CFAP58: variants seen among roughly 807,000 people sequenced by gnomAD.
CFAP58 encodes the protein cilia and flagella associated protein 58, also known as cilia- and flagella-associated protein 58.
CFAP58 carries 88 observed loss-of-function variants against 119.5 expected under a neutral mutation model. That is an observed-to-expected ratio of 0.74 (90% CI 0.62 to 0.88). The LOEUF is 0.88. Among genes scored for constraint, CFAP58 ranks in the 40% least tolerant of loss-of-function variants. The probability of loss-of-function intolerance (pLI) is 0.00; values close to 1 mark genes in which losing one functional copy is unlikely to be tolerated. For missense variants in CFAP58, 990 were observed against 1,021.2 expected, an observed-to-expected ratio of 0.97 and a Z score of 0.42; for synonymous variants, 365 against 366.3, an observed-to-expected ratio of 1.00 and a Z score of 0.04.
At chr10:104,356,980 A>G (rs1189891398) in intron 1 of CFAP58, among the ~76,000 whole-genome samples, 2 of 152,208 alleles carry the variant, frequency 1.3e-5, no homozygotes, top group East Asian at 3.8e-4. Flanking sequence ...AGCTAACAAG[A>G]AGTAGGTGGA....
At chr10:104,430,752 T>C (rs1485404667) in intron 15 of CFAP58, among the ~76,000 whole-genome samples, 1 of 152,202 alleles carries the variant, frequency 6.6e-6, no homozygotes, top group East Asian at 1.9e-4. Context: ...ATGTGAGCCA[T>C]GTGTGTGATT....
At chr10:104,393,618 C>T in intron 11 of CFAP58, 143 bp downstream of exon 11, 1 of 698,488 alleles carries the variant, frequency 1.4e-6, no homozygotes, top group South Asian at 2.0e-5. Flanking sequence ...AAACCAAGCA[C>T]ACAAGGCACC....
intron 15 of CFAP58, among the ~76,000 whole-genome samples, chr10:104,442,385 C>T (rs542390691): frequency 7.4e-4 from 113 of 152,042 alleles, no homozygotes; most frequent in African/African-American, 2.0e-3. Flanking sequence ...GTCAGGAGTT[C>T]GAGACCAGCC....
chr10:104,444,690 G>C (rs1409488048), intron 15 of CFAP58, among the ~76,000 whole-genome samples: 4 of 152,214 alleles, frequency 2.6e-5, no homozygotes, highest in African/African-American at 9.6e-5. Context: ...TGCTTTATCA[G>C]ACAGGTTTTC....
intron 8 of CFAP58, among the ~76,000 whole-genome samples, chr10:104,378,114 A>G (rs1006867576): frequency 1.3e-5 from 2 of 152,074 alleles, no homozygotes; most frequent in Admixed American, 6.6e-5. Flanking sequence ...ATACTTTTGT[A>G]TTTTTTATTT....
Position 104,418,169 on chromosome 10 carries a change from G to C in CFAP58, c.2256+11376G>C, listed in dbSNP as rs555880224. ...GCTACAGCAGCACAGTTGAATTGTT[G>C]TGAAGGTACTGAATAGCTCACAAAG... is the stretch of plus-strand genomic sequence containing the variant. On this transcript the variant is annotated intron_variant, in intron 15 of 17. Coordinates refer to ENST00000369704, the MANE Select transcript of CFAP58 (RefSeq NM_001008723.2). Among the ~76,000 whole-genome samples, 4 of 152,316 alleles carry C rather than the reference G, an allele frequency of 2.6e-5. No homozygotes were observed. In the East Asian group the frequency reaches 7.7e-4, roughly 29 times the overall value.
chr10:104,405,407 T>G (rs2012342311), intron 14 of CFAP58, among the ~76,000 whole-genome samples: 1 of 152,232 alleles, frequency 6.6e-6, no homozygotes, highest in South Asian at 2.1e-4. Flanking sequence ...ATTCCATGTG[T>G]TTTCATGCAG....
the CFAP58 span, among the ~76,000 whole-genome samples, chr10:104,346,927 C>T: frequency 1.3e-5 from 2 of 151,844 alleles, no homozygotes; most frequent in East Asian, 1.9e-4. Flanking sequence ...TGAGCCATCG[C>T]GCTTGACCCA....
At chr10:104,344,684 T>C in the CFAP58 span, among the ~76,000 whole-genome samples, 60 of 152,132 alleles carry the variant, frequency 3.9e-4, no homozygotes, top group African/African-American at 1.4e-3. Flanking sequence ...TGGTCTCTGC[T>C]GTCCTAGAGG....
chr10:104,440,348 TA>T (rs11346105), intron 15 of CFAP58, among the ~76,000 whole-genome samples: 76,360 of 151,952 alleles, frequency 0.5, 20,001 homozygotes, highest in African/African-American at 0.66. Context: ...AGTTGAATTT[TA>T]AAAAAACCAC....
chr10:104,382,495 C>G (rs1264927956), intron 9 of CFAP58: 2 of 334,174 alleles, frequency 6.0e-6, no homozygotes, highest in Non-Finnish European at 1.1e-5. Context: ...AAACCTCTGT[C>G]ACCTCTCCCT....
At chr10:104,371,853 T>A (rs1338484088) in intron 7 of CFAP58, among the ~76,000 whole-genome samples, 2 of 152,178 alleles carry the variant, frequency 1.3e-5, no homozygotes, top group Non-Finnish European at 2.9e-5. Flanking sequence ...AGAACCTGGG[T>A]ATGAATTCTG....
chr10:104,426,021 C>G (rs1564900940), intron 15 of CFAP58, among the ~76,000 whole-genome samples: 1 of 152,082 alleles, frequency 6.6e-6, no homozygotes, highest in South Asian at 2.1e-4. Flanking sequence ...TGCTTGAGCT[C>G]AGGAGTTTGA....
At chr10:104,399,802 T>C (rs1042785861) in intron 12 of CFAP58, among the ~76,000 whole-genome samples, 3 of 152,098 alleles carry the variant, frequency 2.0e-5, no homozygotes, top group Admixed American at 6.6e-5. Context: ...ATAATTGCAA[T>C]TAATAATTAC....
intron 8 of CFAP58, 81 bp from the exon 9 acceptor site, chr10:104,379,948 A>T: frequency 1.8e-6 from 2 of 1,087,744 alleles, no homozygotes; most frequent in South Asian, 3.1e-5. Context: ...TAATTATGTT[A>T]GAGATGAGGC....
Position 104,392,331 on chromosome 10 carries a change from G to T in CFAP58, c.1464G>T (p.Gln488His). Reference sequence around the variant, plus strand: ...CAGAGATTAAATTAAAACAGCAACAGAACCTATATGAAGCTGTGAGATCAG... The same window carrying T: ...CAGAGATTAAATTAAAACAGCAACATAACCTATATGAAGCTGTGAGATCAG... ...AESEIKLKQQ[Q>H]NLYEAVRSDR... is the part of the protein sequence containing the mutation. Residue 488 changes from glutamine to histidine, a missense_variant, in exon 10 of 18, where the codon CAG becomes CAT. Transcript: ENST00000369704. 6 of 1,612,276 alleles carry T rather than the reference G, an allele frequency of 3.7e-6. No homozygotes were observed. The highest frequency in any genetic ancestry group is 5.1e-6 in the Non-Finnish European group (6 of 1,179,184).
chr10:104,342,012 CTG>C, the CFAP58 span, among the ~76,000 whole-genome samples: 21 of 152,158 alleles, frequency 1.4e-4, no homozygotes, highest in Admixed American at 1.3e-3. Context: ...GAATACCAGA[CTG>C]TAATTTTTAT....
intron 15 of CFAP58, among the ~76,000 whole-genome samples, chr10:104,426,293 G>A (rs989870831): frequency 6.6e-6 from 1 of 152,168 alleles, no homozygotes; most frequent in African/African-American, 2.4e-5. Flanking sequence ...TTGAATCCCT[G>A]TGAAGGTCAA....
chr10:104,348,023 A>G, the CFAP58 span, among the ~76,000 whole-genome samples: 1 of 151,256 alleles, frequency 6.6e-6, no homozygotes, highest in Non-Finnish European at 1.5e-5. Context: ...GGTCCCTGTT[A>G]TAAATTCCAA....
Sources: gnomAD v4.1 joint callset for allele counts (sites outside exome capture counted in the v4.1 genomes callset) on GRCh38, gnomAD v4.1.1 for gene constraint, MANE v1.5 for transcripts, NCBI Gene and HGNC (gene_info 2026-07-23, HGNC 2026-07-21) for gene names.